Variants in SGTB observed in about 807,000 individuals in gnomAD.
The protein encoded by SGTB is small glutamine rich tetratricopeptide repeat co-chaperone beta, also known as small glutamine-rich tetratricopeptide repeat-containing protein beta.
In SGTB, 19 loss-of-function variants were observed where a neutral mutation model predicts 43.9. That is an observed-to-expected ratio of 0.43 (90% confidence interval 0.30 to 0.63). SGTB has a LOEUF of 0.63. SGTB is among the 30% of genes least tolerant of loss of function. The pLI, the probability that SGTB is intolerant of heterozygous loss-of-function variation, is 0.12. For synonymous variants in SGTB, 116 were observed against 117.3 expected, an observed-to-expected ratio of 0.99 and a Z score of 0.07; for missense variants, 304 against 358.9, an observed-to-expected ratio of 0.85 and a Z score of 1.24.
intron 10 of SGTB, among the ~76,000 whole-genome samples, chr5:65,671,097 T>C (rs1757145463): frequency 6.6e-6 from 1 of 152,250 alleles, no homozygotes; most frequent in South Asian, 2.1e-4. Flanking sequence ...CATTAAAGTA[T>C]GTAACAAGTG....
At chr5:65,703,968 G>T (rs1284196200) in intron 5 of SGTB, among the ~76,000 whole-genome samples, 1 of 150,210 alleles carries the variant, frequency 6.7e-6, no homozygotes, top group South Asian at 2.1e-4. Flanking sequence ...AACCCGGGAA[G>T]CGGAGCTTGC....
At position 65,668,603 on chromosome 5, in the gene SGTB, T is replaced by C. The variant is rs1475903660; in HGVS notation, c.*1643A>G. ...TAAAAATACAAAAATTAGCTGGGCATGGTGACACGTGCCTGTAATCCCAGC... is the reference window on the plus strand; with the variant it reads ...TAAAAATACAAAAATTAGCTGGGCACGGTGACACGTGCCTGTAATCCCAGC... On this transcript the variant is annotated 3_prime_UTR_variant, in exon 11 of 11. Transcript: ENST00000381007. 1 of 152,094 alleles carries C rather than the reference T, an allele frequency of 6.6e-6. No individual in the cohort carries two copies. 9.4% of individuals were successfully genotyped at this position (152,094 alleles called of 1,614,324 possible).
At chr5:65,712,013 C>A (rs907975106) in intron 3 of SGTB, among the ~76,000 whole-genome samples, 3 of 152,110 alleles carry the variant, frequency 2.0e-5, no homozygotes, top group Non-Finnish European at 4.4e-5. Flanking sequence ...TTTTTGGAGG[C>A]CAAGGCAGGA....
intron 4 of SGTB, among the ~76,000 whole-genome samples, chr5:65,705,864 CAAAAAAAA>C: frequency 7.9e-6 from 1 of 125,864 alleles, no homozygotes; most frequent in Non-Finnish European, 1.7e-5. Flanking sequence ...CCTATCTCTA[CAAAAAAAA>C]AAAAAAACAC....
chr5:65,710,848 G>A (rs1266420103), intron 3 of SGTB, among the ~76,000 whole-genome samples: 1 of 152,020 alleles, frequency 6.6e-6, no homozygotes, highest in Non-Finnish European at 1.5e-5. Flanking sequence ...AAATTAGCCA[G>A]GGCCGGGTGT....
intron 6 of SGTB, among the ~76,000 whole-genome samples, chr5:65,682,750 A>T (rs1319056953): frequency 6.6e-6 from 1 of 152,232 alleles, no homozygotes; most frequent in Non-Finnish European, 1.5e-5. Context: ...TAAACATCCA[A>T]ACATAGAGTT....
chr5:65,667,611 A>T lies in SGTB; in HGVS notation c.*2635T>A, dbSNP rs1024218854. 1.4e-5 allele frequency: 2 copies of T among 142,508 alleles called. No homozygotes were observed. Among genetic ancestry groups the T allele is most frequent in the Admixed American group, 1.4e-4 (2 of 14,088 alleles). 8.8% of individuals were successfully genotyped at this position (142,508 alleles called of 1,614,324 possible). ...CTCTTTTTAAATTCTGCAGAACTATATATCTTCATACAGATCTTCGTTGTA... is the reference window on the plus strand; with the variant it reads ...CTCTTTTTAAATTCTGCAGAACTATTTATCTTCATACAGATCTTCGTTGTA... On this transcript the variant is annotated 3_prime_UTR_variant, in exon 11 of 11. Coordinates refer to ENST00000381007, the MANE Select transcript of SGTB (RefSeq NM_019072.3).
intron 4 of SGTB, among the ~76,000 whole-genome samples, chr5:65,705,785 T>C (rs1213082006): frequency 6.7e-6 from 1 of 149,968 alleles, no homozygotes; most frequent in African/African-American, 2.5e-5. Flanking sequence ...CCCAGCACTT[T>C]GGGAGGGCAA....
At position 65,680,460 on chromosome 5, in the gene SGTB, T is replaced by C. The variant is rs1757372432; in HGVS notation, c.681+34A>G. ...ATAGCTACATAGTCTATGGAAAACA[T>C]AGCCAGTAGAGGCAGAAAAGAAAGT... On this transcript the variant is annotated intron_variant, in intron 8 of 10. Transcript: ENST00000381007. 7 of 1,595,480 alleles carry C rather than the reference T, an allele frequency of 4.4e-6. No homozygotes were observed. In the Admixed American group the frequency reaches 5.1e-5, roughly 12 times the overall value.
intron 5 of SGTB, among the ~76,000 whole-genome samples, chr5:65,702,482 A>T (rs1757844456): frequency 6.6e-6 from 1 of 152,220 alleles, no homozygotes; most frequent in Non-Finnish European, 1.5e-5. Context: ...AGACTGGGAA[A>T]TGCAGCCTAT....
chr5:65,707,053 T>G (rs1757945956), intron 4 of SGTB, among the ~76,000 whole-genome samples: 1 of 149,746 alleles, frequency 6.7e-6, no homozygotes, highest in Non-Finnish European at 1.5e-5. Flanking sequence ...ATGAGGTCAG[T>G]AGTTCAAAAC....
rs555973884 is a variant in SGTB at position 65,686,346 on chromosome 5, G to A, written c.375-874C>T. 9.2e-5 allele frequency among the ~76,000 whole-genome samples: 14 copies of A among 152,206 alleles called. No homozygotes were observed. The South Asian group carries it at 2.7e-3, about 29-fold the overall frequency. On this transcript the variant is annotated intron_variant, in intron 5 of 10. Transcript: ENST00000381007. ...TAATAAAGGTAAAGAAGCACTCCCT[G>A]AAAATTTTGCTTGCAAGCCCAGAAA...
chr5:65,702,414 T>A (rs1757843140), intron 5 of SGTB, among the ~76,000 whole-genome samples: 1 of 152,104 alleles, frequency 6.6e-6, no homozygotes, highest in Non-Finnish European at 1.5e-5. Flanking sequence ...CTTCTACCCT[T>A]CAAATCTCCT....
chr5:65,687,701 G>T (rs554553673), intron 5 of SGTB, among the ~76,000 whole-genome samples: 1 of 152,320 alleles, frequency 6.6e-6, no homozygotes, highest in African/African-American at 2.4e-5. Flanking sequence ...TTCAGAGAGA[G>T]AAGTAATGCA....
At chr5:65,704,430 T>G in intron 4 of SGTB, 52 bp from the exon 5 acceptor site, 1 of 1,319,526 alleles carries the variant, frequency 7.6e-7, no homozygotes, top group Non-Finnish European at 1.1e-6. Context: ...ATTAAAAACA[T>G]ACACTCTTAT....
Position 65,668,379 on chromosome 5 carries a change from A to G in SGTB, c.*1867T>C, listed in dbSNP as rs1757083481. The G allele has an allele frequency of 6.6e-6, 1 of 150,916 alleles. No individual in the cohort carries two copies. Among genetic ancestry groups the G allele is most frequent in the African/African-American group, 2.4e-5 (1 of 40,964 alleles). The allele number at this position is 150,916 out of a possible 1,614,324, so 9.3% of individuals were successfully genotyped here. ...AATCCCAGCACTTTGAGGGGCCAAG[A>G]TGGGCAGATCACTTGAGGTCAGGAG... On this transcript the variant is annotated 3_prime_UTR_variant, in exon 11 of 11. Transcript: ENST00000381007.
Position 65,670,047 on chromosome 5 carries a change from T to G in SGTB, c.*199A>C. ...TCATTTCAAAAGGAGTCATGTTATGTTTTGAGTTTGTTTGTGATAAACCTA... is the reference window on the plus strand; with the variant it reads ...TCATTTCAAAAGGAGTCATGTTATGGTTTGAGTTTGTTTGTGATAAACCTA... On this transcript the variant is annotated 3_prime_UTR_variant, in exon 11 of 11. Transcript: ENST00000381007. 2.0e-6 allele frequency: 1 copy of G among 506,674 alleles called. No individual in the cohort carries two copies. The allele number at this position is 506,674 out of a possible 1,614,324, so 31.4% of individuals were successfully genotyped here. A position where few individuals can be genotyped will look rare whatever the true frequency, so the allele number is the denominator to read the frequency against.
At chr5:65,722,244 G>C, upstream of SGTB, 2 of 550,714 alleles carry the variant, frequency 3.6e-6, no homozygotes, top group Non-Finnish European at 5.8e-6. Context: ...GAGGGCGCTG[G>C]CCAGGCAGCC....
intron 8 of SGTB, among the ~76,000 whole-genome samples, chr5:65,677,014 CAAA>C (rs34685401): frequency 7.4e-6 from 1 of 134,442 alleles, no homozygotes. Context: ...GAAAACCCTT[CAAA>C]AAAAAAAAAA....
Sources: gnomAD v4.1 joint callset for allele counts (sites outside exome capture counted in the v4.1 genomes callset) on GRCh38, gnomAD v4.1.1 for gene constraint, MANE v1.5 for transcripts, NCBI Gene and HGNC (gene_info 2026-07-23, HGNC 2026-07-21) for gene names.